Variants in DACH2 observed in about 807,000 individuals in gnomAD.
DACH2 encodes dachshund homolog 2.
A neutral mutation model predicts 35.8 loss-of-function variants in DACH2; 17 were observed. That is an observed-to-expected ratio of 0.48 (90% CI 0.33 to 0.71). The LOEUF is 0.71. Ranked by LOEUF, DACH2 falls within the 30% of genes least tolerant of loss-of-function variation. DACH2 has a pLI of 0.02. For missense variants in DACH2, 469 were observed against 472.7 expected (o/e 0.99, Z 0.07); for synonymous variants, 195 against 177.3 (o/e 1.10, Z -0.79).
At chrX:86,491,042 C>G (rs1195179677) in intron 2 of DACH2, among the ~76,000 whole-genome samples, 1 of 111,203 alleles carries the variant, frequency 9.0e-6, no homozygotes, top group Non-Finnish European at 1.9e-5. Flanking sequence ...ACATAAAATA[C>G]ACAAAATCAG....
chrX:86,778,642 A>T (rs2042059434), intron 7 of DACH2, among the ~76,000 whole-genome samples: 1 of 110,366 alleles, frequency 9.1e-6, no homozygotes, highest in African/African-American at 3.3e-5. Flanking sequence ...ACAGAGTCTC[A>T]CTCTGTCACC....
intron 2 of DACH2, among the ~76,000 whole-genome samples, chrX:86,457,009 C>T (rs1228145419): frequency 9.0e-6 from 1 of 111,086 alleles, no homozygotes; most frequent in Admixed American, 9.7e-5. Context: ...TTAATCTGAC[C>T]TCTATCAAAA....
intron 1 of DACH2, among the ~76,000 whole-genome samples, chrX:86,200,125 C>A (rs1242163312): frequency 1.1e-4 from 12 of 110,406 alleles, no homozygotes; most frequent in African/African-American, 4.0e-4. Context: ...GGATAAAGAG[C>A]CCAGAATTAT....
intron 1 of DACH2, among the ~76,000 whole-genome samples, chrX:86,241,937 G>A (rs1366942742): frequency 8.9e-6 from 1 of 112,641 alleles, no homozygotes; most frequent in Non-Finnish European, 1.9e-5. Flanking sequence ...AAGAGTTGAG[G>A]TTTGGGAACC....
At chrX:86,182,409 G>T (rs1237207830) in intron 1 of DACH2, among the ~76,000 whole-genome samples, 4 of 111,923 alleles carry the variant, frequency 3.6e-5, no homozygotes, top group African/African-American at 1.3e-4. Context: ...CATATGGCTA[G>T]CCAGTTTTCC....
chrX:86,529,031 A>G (rs1457203049), intron 3 of DACH2, among the ~76,000 whole-genome samples: 1 of 111,682 alleles, frequency 9.0e-6, no homozygotes, highest in Non-Finnish European at 1.9e-5. Context: ...GCTATTGAAC[A>G]TTAGAGCTTA....
intron 2 of DACH2, among the ~76,000 whole-genome samples, chrX:86,388,162 C>T (rs758148861): frequency 8.9e-6 from 1 of 111,905 alleles, no homozygotes; most frequent in Admixed American, 9.5e-5. Context: ...GTCAGGAGGC[C>T]CTTGGAGCCC....
chrX:86,548,121 C>T (rs1049433508), intron 3 of DACH2, among the ~76,000 whole-genome samples: 2 of 112,114 alleles, frequency 1.8e-5, no homozygotes, highest in Non-Finnish European at 3.8e-5. Flanking sequence ...ATTTTATTCT[C>T]TTTCATTTAT....
At chrX:86,656,900 G>C (rs1479246504) in intron 4 of DACH2, among the ~76,000 whole-genome samples, 2 of 91,591 alleles carry the variant, frequency 2.2e-5, no homozygotes, top group African/African-American at 9.0e-5. Context: ...TAGTGAAGTA[G>C]TGTTCAGCCA....
At chrX:86,342,310 G>A (rs969519476) in intron 1 of DACH2, among the ~76,000 whole-genome samples, 11 of 110,402 alleles carry the variant, frequency 1.0e-4, no homozygotes, top group South Asian at 3.9e-4. Context: ...ACCAGATGGC[G>A]TAACACAGGG....
intron 1 of DACH2, among the ~76,000 whole-genome samples, chrX:86,266,962 G>T (rs773845334): frequency 9.0e-6 from 1 of 111,714 alleles, no homozygotes; most frequent in Admixed American, 9.5e-5. Context: ...TCATCATACT[G>T]ATGCATGTCA....
At chrX:86,161,446 G>A in intron 1 of DACH2, 1 of 443,556 alleles carries the variant, frequency 2.3e-6, no homozygotes, top group African/African-American at 2.4e-5. Flanking sequence ...ACCTTCCTGT[G>A]TTCAGAACCC....
At chrX:86,286,088 T>G (rs2034138890) in intron 1 of DACH2, among the ~76,000 whole-genome samples, 2 of 109,057 alleles carry the variant, frequency 1.8e-5, no homozygotes, top group African/African-American at 3.3e-5. Context: ...TCAATGGTTC[T>G]TGTTCTTCCA....
intron 3 of DACH2, among the ~76,000 whole-genome samples, chrX:86,610,363 C>CTCCTTCTTTCTT (rs2039916875): frequency 1.1e-4 from 8 of 70,084 alleles, no homozygotes; most frequent in African/African-American, 3.3e-4. Flanking sequence ...TCCTTCCTTC[C>CTCCTTCTTTCTT]TCTTTCTTTC....
intron 1 of DACH2, among the ~76,000 whole-genome samples, chrX:86,300,071 A>G (rs1237466845): frequency 9.0e-6 from 1 of 111,108 alleles, no homozygotes; most frequent in Non-Finnish European, 1.9e-5. Context: ...AGTTGTTTTG[A>G]AATATACAAT....
At chrX:86,610,138 C>G (rs2039911046) in intron 3 of DACH2, among the ~76,000 whole-genome samples, 2 of 111,488 alleles carry the variant, frequency 1.8e-5, no homozygotes, top group Admixed American at 1.9e-4. Flanking sequence ...CCTTAGAAGT[C>G]TATCTGATGT....
At chrX:86,281,221 C>T (rs1004518907) in intron 1 of DACH2, among the ~76,000 whole-genome samples, 4 of 111,432 alleles carry the variant, frequency 3.6e-5, no homozygotes, top group Non-Finnish European at 7.5e-5. Flanking sequence ...AGGCCAATAT[C>T]CCTGATGAAC....
chrX:86,698,521 G>GTTTTTTTGTTTTTTTTTTT (rs2041096819), intron 5 of DACH2, among the ~76,000 whole-genome samples: 1 of 32,957 alleles, frequency 3.0e-5, no homozygotes, highest in Non-Finnish European at 4.7e-5. Flanking sequence ...TTAGTTTTGT[G>GTTTTTTTGTTTTTTTTTTT]TTTTTTTTTT....
intron 2 of DACH2, among the ~76,000 whole-genome samples, chrX:86,408,656 G>A (rs935159081): frequency 9.0e-6 from 1 of 111,520 alleles, no homozygotes. Context: ...CGACTTGAGA[G>A]GTAGGAATAA....
Sources: allele counts gnomAD v4.1 joint callset (sites outside exome capture counted in the v4.1 genomes callset), GRCh38; gene constraint gnomAD v4.1.1; transcripts MANE v1.5; gene names NCBI Gene and HGNC (gene_info 2026-07-23, HGNC 2026-07-21).